Variants in DOCK2 observed in about 807,000 individuals in gnomAD.
DOCK2 encodes dedicator of cytokinesis 2, also known as dedicator of cytokinesis protein 2.
Under a neutral mutation model 248.9 loss-of-function variants are expected in DOCK2, and 87 were observed. That is an observed-to-expected ratio of 0.35 (90% CI 0.29 to 0.42). DOCK2 has a LOEUF of 0.42. Ranked by LOEUF, DOCK2 falls within the 10% of genes least tolerant of loss-of-function variation. The pLI, the probability that DOCK2 is intolerant of heterozygous loss-of-function variation, is 1.00. For missense variants in DOCK2, 1,747 were observed against 2,300.2 expected (o/e 0.76, Z 4.92); for synonymous variants, 805 against 821.6 (o/e 0.98, Z 0.35).
intron 27 of DOCK2, among the ~76,000 whole-genome samples, chr5:169,858,028 T>C (rs1416681500): frequency 1.3e-5 from 2 of 152,218 alleles, no homozygotes; most frequent in African/African-American, 4.8e-5. Context: ...AGGACTGTAC[T>C]CACTATGGTA....
intron 27 of DOCK2, among the ~76,000 whole-genome samples, chr5:169,943,714 G>A (rs1417780948): frequency 6.6e-6 from 1 of 152,126 alleles, no homozygotes; most frequent in African/African-American, 2.4e-5. Context: ...AGCATCACCT[G>A]GGAGCTTGTT....
chr5:170,024,035 T>C (rs1001117964), intron 33 of DOCK2, among the ~76,000 whole-genome samples: 2 of 152,236 alleles, frequency 1.3e-5, no homozygotes, highest in African/African-American at 2.4e-5. Context: ...GCCAGTCTCC[T>C]GGAAGAGGGA....
rs532812200 is a variant in DOCK2 at position 170,020,295 on chromosome 5, C to G, written c.3381+1187C>G. 3.0e-4 allele frequency among the ~76,000 whole-genome samples: 46 copies of G among 152,300 alleles called. No homozygotes were observed. In the South Asian group the frequency reaches 8.9e-3, roughly 30 times the overall value. On this transcript the variant is annotated intron_variant, in intron 33 of 51. Coordinates refer to ENST00000520908, the MANE Select transcript of DOCK2 (RefSeq NM_004946.3). ...CCTGCCTCTCAACACCTTCTAAACT[C>G]TTACTGATCCTGCGAAGCCCATCCA...
intron 1 of DOCK2, among the ~76,000 whole-genome samples, chr5:169,653,507 G>T (rs1224236924): frequency 2.6e-5 from 4 of 152,172 alleles, no homozygotes; most frequent in Non-Finnish European, 1.5e-5. Flanking sequence ...CGTCATGAAG[G>T]ACTGGAGCTC....
At chr5:169,803,326 C>T (rs968731796) in intron 26 of DOCK2, 120 bp downstream of exon 26, 73 of 1,318,790 alleles carry the variant, frequency 5.5e-5, no homozygotes, top group Non-Finnish European at 7.2e-5. Context: ...CAACGGCTTG[C>T]TCAGCAGGCC....
intron 13 of DOCK2, among the ~76,000 whole-genome samples, chr5:169,701,426 T>C (rs1453861876): frequency 6.6e-6 from 1 of 152,238 alleles, no homozygotes; most frequent in African/African-American, 2.4e-5. Context: ...CTAGGGCCTG[T>C]GCTGTCATTT....
At chr5:169,836,449 G>A (rs550615120) in intron 26 of DOCK2, among the ~76,000 whole-genome samples, 262 of 152,266 alleles carry the variant, frequency 1.7e-3, no homozygotes, top group Non-Finnish European at 3.1e-3. Context: ...AACTCTGCAA[G>A]GTTATAACAT....
intron 26 of DOCK2, among the ~76,000 whole-genome samples, chr5:169,808,331 C>A (rs1005548376): frequency 2.6e-5 from 4 of 152,136 alleles, no homozygotes; most frequent in African/African-American, 9.7e-5. Context: ...GGGAATGGGA[C>A]AGGATGCTTG....
At chr5:169,658,490 A>AAAG (rs901076108) in intron 2 of DOCK2, among the ~76,000 whole-genome samples, 1 of 151,332 alleles carries the variant, frequency 6.6e-6, no homozygotes, top group African/African-American at 2.4e-5. Flanking sequence ...AAAAAAAAAA[A>AAAG]AAAAAAAAAA....
chr5:169,649,619 T>C (rs1471587355), intron 1 of DOCK2, among the ~76,000 whole-genome samples: 1 of 152,152 alleles, frequency 6.6e-6, no homozygotes, highest in Non-Finnish European at 1.5e-5. Flanking sequence ...GTGTGATGCC[T>C]GGTGAGGAAG....
intron 27 of DOCK2, among the ~76,000 whole-genome samples, chr5:169,976,297 A>C (rs551646550): frequency 1.3e-5 from 2 of 152,224 alleles, no homozygotes; most frequent in African/African-American, 4.8e-5. Context: ...CCTAAATTTT[A>C]GGTCCTATGT....
chr5:169,853,410 A>G (rs1029839967), intron 27 of DOCK2, among the ~76,000 whole-genome samples: 18 of 152,226 alleles, frequency 1.2e-4, no homozygotes, highest in African/African-American at 4.1e-4. Flanking sequence ...AAAGGAATCA[A>G]TTCTGTCAAA....
At chr5:169,638,325 C>A (rs902985433) in intron 1 of DOCK2, among the ~76,000 whole-genome samples, 1 of 152,078 alleles carries the variant, frequency 6.6e-6, no homozygotes, top group Non-Finnish European at 1.5e-5. Flanking sequence ...TACTGGGTAC[C>A]GGGCACTGTG....
At chr5:169,819,989 G>A (rs1487519999) in intron 26 of DOCK2, among the ~76,000 whole-genome samples, 1 of 152,200 alleles carries the variant, frequency 6.6e-6, no homozygotes, top group African/African-American at 2.4e-5. Context: ...TGCCTGGCTT[G>A]GAGGGTCCCA....
At chr5:170,071,683 T>A (rs904188118) in intron 46 of DOCK2, among the ~76,000 whole-genome samples, 4 of 152,178 alleles carry the variant, frequency 2.6e-5, no homozygotes, top group African/African-American at 9.6e-5. Context: ...TGAAATAGAA[T>A]TCTGCTAGCT....
chr5:169,684,039 C>G (rs73798750), intron 7 of DOCK2, among the ~76,000 whole-genome samples, 157 bp from the exon 8 acceptor site: 1 of 152,238 alleles, frequency 6.6e-6, no homozygotes, highest in Non-Finnish European at 1.5e-5. Flanking sequence ...AGAGTCAAAG[C>G]GAATTGATTC....
chr5:169,903,029 T>C (rs1051961935), intron 27 of DOCK2, among the ~76,000 whole-genome samples: 13 of 149,626 alleles, frequency 8.7e-5, no homozygotes, highest in Middle Eastern at 3.2e-3. Context: ...ACAAAGGAGG[T>C]GGAGGTTGCA....
intron 27 of DOCK2, among the ~76,000 whole-genome samples, chr5:169,842,239 G>A (rs1206486644): frequency 1.3e-5 from 2 of 152,212 alleles, no homozygotes; most frequent in African/African-American, 4.8e-5. Flanking sequence ...GACATCCGTG[G>A]AGAGCATCAG....
intron 27 of DOCK2, among the ~76,000 whole-genome samples, chr5:169,890,655 A>G (rs569560174): frequency 1.3e-5 from 2 of 152,344 alleles, no homozygotes; most frequent in South Asian, 4.1e-4. Context: ...TTTATAGCAC[A>G]TGGGTTGACT....
Sources: allele counts gnomAD v4.1 joint callset (sites outside exome capture counted in the v4.1 genomes callset), GRCh38; gene constraint gnomAD v4.1.1; transcripts MANE v1.5; gene names NCBI Gene and HGNC (gene_info 2026-07-23, HGNC 2026-07-21).